Variants in AP3B1 observed in about 807,000 individuals in gnomAD.
AP3B1 encodes adaptor related protein complex 3 subunit beta 1.
AP3B1 carries 61 observed loss-of-function variants against 132.5 expected under a neutral mutation model. That is an observed-to-expected ratio of 0.46 (90% CI 0.37 to 0.57). The LOEUF (loss-of-function observed/expected upper bound fraction) is 0.57, where lower values mean the gene tolerates loss of function less well. Among genes scored for constraint, AP3B1 ranks in the 20% least tolerant of loss-of-function variants. The pLI is 0.00. For synonymous variants in AP3B1, 388 were observed against 438.3 expected, an observed-to-expected ratio of 0.89 and a Z score of 1.43; for missense variants, 1,120 against 1,289.4, an observed-to-expected ratio of 0.87 and a Z score of 2.01.
chr5:78,048,381 C>A (rs1322479992), intron 22 of AP3B1, among the ~76,000 whole-genome samples: 2 of 152,096 alleles, frequency 1.3e-5, no homozygotes, highest in Non-Finnish European at 2.9e-5. Flanking sequence ...GACTGTCAGC[C>A]CAACATGCCC....
intron 21 of AP3B1, among the ~76,000 whole-genome samples, chr5:78,092,682 C>T (rs1358291947): frequency 6.6e-6 from 1 of 152,174 alleles, no homozygotes; most frequent in Admixed American, 6.5e-5. Flanking sequence ...AGGAGTTTCT[C>T]TGTCACTCAG....
At chr5:78,159,231 T>A (rs1482719638) in intron 13 of AP3B1, among the ~76,000 whole-genome samples, 1 of 152,084 alleles carries the variant, frequency 6.6e-6, no homozygotes, top group Non-Finnish European at 1.5e-5. Context: ...GAGAAAAAAA[T>A]GTTGCATAAT....
At chr5:78,123,695 AC>A (rs1752332960) in intron 17 of AP3B1, among the ~76,000 whole-genome samples, 1 of 152,044 alleles carries the variant, frequency 6.6e-6, no homozygotes, top group African/African-American at 2.4e-5. Context: ...AAGTCAGGAA[AC>A]AACAGGTGCT....
chr5:78,032,211 T>C (rs553367217), intron 24 of AP3B1, among the ~76,000 whole-genome samples: 9 of 152,154 alleles, frequency 5.9e-5, no homozygotes, highest in Non-Finnish European at 1.0e-4. Flanking sequence ...GAAGCTAAAG[T>C]AGGATCATTT....
At chr5:78,093,003 T>C (rs1458159519) in intron 21 of AP3B1, among the ~76,000 whole-genome samples, 1 of 152,208 alleles carries the variant, frequency 6.6e-6, no homozygotes, top group Non-Finnish European at 1.5e-5. Context: ...CCAGCAATAC[T>C]ACTTCTGGAA....
At chr5:78,217,060 T>C (rs576644538) in intron 6 of AP3B1, among the ~76,000 whole-genome samples, 10 of 152,130 alleles carry the variant, frequency 6.6e-5, no homozygotes, top group Non-Finnish European at 1.5e-4. Flanking sequence ...GCCCACAATA[T>C]AATACAGTTT....
intron 20 of AP3B1, among the ~76,000 whole-genome samples, chr5:78,108,045 T>C (rs1751416598): frequency 6.6e-6 from 1 of 152,152 alleles, no homozygotes; most frequent in Non-Finnish European, 1.5e-5. Context: ...TATGCTTATC[T>C]CATAGGACTA....
At chr5:78,249,740 T>C (rs1168409746) in intron 2 of AP3B1, among the ~76,000 whole-genome samples, 1 of 151,948 alleles carries the variant, frequency 6.6e-6, no homozygotes, top group Non-Finnish European at 1.5e-5. Context: ...CCCTCCACCA[T>C]ACCTGGCTGA....
chr5:78,261,639 T>C (rs1748097174), intron 2 of AP3B1, among the ~76,000 whole-genome samples: 2 of 152,034 alleles, frequency 1.3e-5, no homozygotes, highest in African/African-American at 2.4e-5. Flanking sequence ...CTAATTTTTG[T>C]ATTTTTAGAA....
intron 12 of AP3B1, among the ~76,000 whole-genome samples, 167 bp from the exon 13 acceptor site, chr5:78,163,118 AT>A (rs944257518): frequency 1.3e-5 from 2 of 152,098 alleles, no homozygotes; most frequent in African/African-American, 4.8e-5. Context: ...TTTTGTTTTG[AT>A]TTTTTTACTT....
intron 17 of AP3B1, among the ~76,000 whole-genome samples, chr5:78,117,333 G>A (rs143438215): frequency 0.037 from 5,450 of 148,934 alleles, 317 homozygotes; most frequent in African/African-American, 0.12. Flanking sequence ...TTTTTGAGAC[G>A]GAGTCTCGCT....
chr5:78,288,443 C>T lies in AP3B1; in HGVS notation c.128+6009G>A, dbSNP rs73768562. ...GAAGACTGGGATAAAGACTAAAAAT[C>T]CTGATTGTAAAGTTCATTCCATACC... On this transcript the variant is annotated intron_variant, in intron 1 of 26. Coordinates refer to ENST00000255194, the MANE Select transcript of AP3B1 (RefSeq NM_003664.5). 5.5e-3 allele frequency among the ~76,000 whole-genome samples: 835 copies of T among 152,232 alleles called. 6 individuals are homozygous for T. The highest frequency in any genetic ancestry group is 0.019 in the African/African-American group (793 of 41,530).
intron 1 of AP3B1, among the ~76,000 whole-genome samples, chr5:78,292,227 G>C (rs950270663): frequency 6.6e-6 from 1 of 152,012 alleles, no homozygotes; most frequent in Non-Finnish European, 1.5e-5. Context: ...GTAATATTAC[G>C]GTTTTATAAA....
At chr5:78,160,607 A>C (rs933880370) in intron 13 of AP3B1, among the ~76,000 whole-genome samples, 1 of 152,120 alleles carries the variant, frequency 6.6e-6, no homozygotes, top group Non-Finnish European at 1.5e-5. Context: ...TTATTTGAAC[A>C]GATGATGAGG....
At chr5:78,269,675 C>T (rs1241635296) in intron 1 of AP3B1, among the ~76,000 whole-genome samples, 1 of 152,108 alleles carries the variant, frequency 6.6e-6, no homozygotes, top group Non-Finnish European at 1.5e-5. Flanking sequence ...TATATCAGTG[C>T]TACTTAAAGT....
intron 22 of AP3B1, among the ~76,000 whole-genome samples, chr5:78,058,541 T>C (rs1314286701): frequency 6.6e-6 from 1 of 151,972 alleles, no homozygotes; most frequent in Admixed American, 6.6e-5. Context: ...TAAAGTAAAG[T>C]AAGTAAAAAT....
intron 23 of AP3B1, among the ~76,000 whole-genome samples, chr5:78,038,058 G>A (rs148426215): frequency 5.9e-5 from 9 of 152,292 alleles, no homozygotes; most frequent in East Asian, 5.8e-4. Flanking sequence ...AACAGGATGC[G>A]GTGGGCACAG....
Position 78,127,881 on chromosome 5 carries a change from A to G in AP3B1, c.1968+149T>C, listed in dbSNP as rs1289420265. The stretch of plus-strand genomic sequence containing the variant: ...GAATACTATAATATTTAGTTGCTAT[A>G]AAGGCAAGGTATATCTAACACATTA... On this transcript the variant is annotated intron_variant, in intron 17 of 26. Transcript: ENST00000255194. 64 of 824,988 alleles carry G rather than the reference A, an allele frequency of 7.8e-5. 1 individual carries two copies. The highest frequency in any genetic ancestry group is 6.1e-4 in the South Asian group (41 of 67,708). 51.1% of individuals were successfully genotyped at this position (824,988 alleles called of 1,614,324 possible). A position where few individuals can be genotyped will look rare whatever the true frequency, so the allele number is the denominator to read the frequency against.
At chr5:78,234,061 C>T (rs1746771875) in intron 3 of AP3B1, among the ~76,000 whole-genome samples, 1 of 152,094 alleles carries the variant, frequency 6.6e-6, no homozygotes, top group Non-Finnish European at 1.5e-5. Context: ...TTGAAAATGA[C>T]ATCATTGCAG....
Sources: allele counts gnomAD v4.1 joint callset (sites outside exome capture counted in the v4.1 genomes callset), GRCh38; gene constraint gnomAD v4.1.1; transcripts MANE v1.5; gene names NCBI Gene and HGNC (gene_info 2026-07-23, HGNC 2026-07-21).